TOP6BL: variants seen among roughly 807,000 people sequenced by gnomAD.
The protein encoded by TOP6BL is type 2 DNA topoisomerase 6 subunit B-like.
At chr11:66,835,188 T>A in the TOP6BL span, among the ~76,000 whole-genome samples, 1 of 151,954 alleles carries the variant, frequency 6.6e-6, no homozygotes, top group Non-Finnish European at 1.5e-5. Flanking sequence ...TGCGGGTAGT[T>A]CCTTGATAAG....
the TOP6BL span, among the ~76,000 whole-genome samples, chr11:66,833,688 C>G: frequency 6.6e-6 from 1 of 152,140 alleles, no homozygotes; most frequent in African/African-American, 2.4e-5. Flanking sequence ...TGGCTCACTC[C>G]TGTAATCTCA....
chr11:66,835,732 T>C, the TOP6BL span, among the ~76,000 whole-genome samples: 1 of 152,368 alleles, frequency 6.6e-6, no homozygotes, highest in African/African-American at 2.4e-5. Context: ...TTGTACCATA[T>C]AACAATTTCA....
At chr11:66,750,297 C>T in the TOP6BL span, among the ~76,000 whole-genome samples, 4 of 152,014 alleles carry the variant, frequency 2.6e-5, no homozygotes, top group Admixed American at 2.6e-4. Flanking sequence ...CCTGTAACAC[C>T]AGCACTTTGG....
the TOP6BL span, among the ~76,000 whole-genome samples, chr11:66,756,730 G>GA: frequency 6.6e-6 from 1 of 151,802 alleles, no homozygotes; most frequent in Admixed American, 6.6e-5. Flanking sequence ...TTTTTTCTGA[G>GA]ATGGGGTCTT....
chr11:66,809,747 A>C, the TOP6BL span, among the ~76,000 whole-genome samples: 1 of 152,230 alleles, frequency 6.6e-6, no homozygotes, highest in Admixed American at 6.5e-5. Context: ...TCTGTTGCCC[A>C]GGCTAAAGTG....
chr11:66,767,050 T>C, the TOP6BL span, among the ~76,000 whole-genome samples: 1 of 152,186 alleles, frequency 6.6e-6, no homozygotes, highest in African/African-American at 2.4e-5. Context: ...TCTTATTAAT[T>C]TAAACATAGC....
the TOP6BL span, among the ~76,000 whole-genome samples, chr11:66,841,052 T>C: frequency 6.6e-6 from 1 of 152,070 alleles, no homozygotes; most frequent in Non-Finnish European, 1.5e-5. Flanking sequence ...TTTAGTCTGT[T>C]TCATGATTAA....
the TOP6BL span, chr11:66,843,504 C>A: frequency 6.7e-7 from 1 of 1,488,844 alleles, no homozygotes; most frequent in Non-Finnish European, 8.8e-7. Context: ...GGTGTCGCGG[C>A]CGGAGCGGCC....
At chr11:66,806,698 G>T in the TOP6BL span, among the ~76,000 whole-genome samples, 1 of 152,116 alleles carries the variant, frequency 6.6e-6, no homozygotes, top group Non-Finnish European at 1.5e-5. Flanking sequence ...AACCCAGGAG[G>T]CAGAGGTTGC....
At chr11:66,774,330 T>C in the TOP6BL span, among the ~76,000 whole-genome samples, 2 of 152,336 alleles carry the variant, frequency 1.3e-5, no homozygotes, top group Middle Eastern at 3.4e-3. Flanking sequence ...TCTTTATCTC[T>C]GTGCCTGGGC....
chr11:66,757,269 G>T, the TOP6BL span, among the ~76,000 whole-genome samples: 2 of 152,088 alleles, frequency 1.3e-5, no homozygotes, highest in Admixed American at 6.5e-5. Context: ...CATGAACCTG[G>T]GATGTGGAGG....
chr11:66,796,315 G>T, the TOP6BL span: 1 of 1,610,988 alleles, frequency 6.2e-7, no homozygotes, highest in Admixed American at 1.7e-5. Flanking sequence ...ATGACAGATT[G>T]TCTGGTTATA....
the TOP6BL span, among the ~76,000 whole-genome samples, chr11:66,783,455 G>T: frequency 6.6e-6 from 1 of 152,194 alleles, no homozygotes; most frequent in Non-Finnish European, 1.5e-5. Flanking sequence ...TTTGAAGATA[G>T]TACTGGATCA....
the TOP6BL span, chr11:66,801,220 T>C: frequency 9.5e-7 from 1 of 1,057,730 alleles, no homozygotes; most frequent in Middle Eastern, 2.0e-4. Context: ...TGTCAGCTTC[T>C]CTATAAGAAA....
the TOP6BL span, chr11:66,843,369 G>A: frequency 8.3e-6 from 12 of 1,442,276 alleles, no homozygotes; most frequent in Non-Finnish European, 1.0e-5. Flanking sequence ...GGCGGGGCGG[G>A]GCGGGGCGTG....
the TOP6BL span, among the ~76,000 whole-genome samples, chr11:66,760,012 A>G: frequency 5.9e-5 from 9 of 152,250 alleles, no homozygotes; most frequent in African/African-American, 2.4e-5. Context: ...TGTTTGCTAC[A>G]TAAGTATTAT....
the TOP6BL span, among the ~76,000 whole-genome samples, chr11:66,800,091 T>G: frequency 3.3e-5 from 5 of 150,812 alleles, no homozygotes; most frequent in Non-Finnish European, 7.4e-5. Context: ...CACAAAAAAC[T>G]AACTGTATTC....
chr11:66,826,044 C>G, the TOP6BL span, among the ~76,000 whole-genome samples: 2 of 152,064 alleles, frequency 1.3e-5, no homozygotes, highest in Admixed American at 1.3e-4. Context: ...GGGGTTTCAT[C>G]GTGTTAGCTA....
At chr11:66,842,794 GTGCTC>G in the TOP6BL span, 4 of 1,476,876 alleles carry the variant, frequency 2.7e-6, no homozygotes, top group South Asian at 5.1e-5. Flanking sequence ...TTGGCCAAGG[GTGCTC>G]CTAGCACAGG....
Sources: gnomAD v4.1 joint callset for allele counts (sites outside exome capture counted in the v4.1 genomes callset) on GRCh38, gnomAD v4.1.1 for gene constraint, MANE v1.5 for transcripts, NCBI Gene and HGNC (gene_info 2026-07-23, HGNC 2026-07-21) for gene names.